Variants in AZI2 observed in about 807,000 individuals in gnomAD.
AZI2 encodes 5-azacytidine induced 2.
A neutral mutation model predicts 45.8 loss-of-function variants in AZI2; 22 were observed. That is an observed-to-expected ratio of 0.48 (90% CI 0.34 to 0.69). The LOEUF is 0.69. AZI2 is among the 30% of genes least tolerant of loss of function. The probability of loss-of-function intolerance (pLI) is 0.01; values close to 1 mark genes in which losing one functional copy is unlikely to be tolerated. For synonymous variants in AZI2, 137 were observed against 156.7 expected, an observed-to-expected ratio of 0.87 and a Z score of 0.94; for missense variants, 417 against 441.5, an observed-to-expected ratio of 0.94 and a Z score of 0.50.
chr3:28,322,743 G>A lies in AZI2; in HGVS notation c.*1299C>T, dbSNP rs1703224922. On this transcript the variant is annotated 3_prime_UTR_variant, in exon 8 of 8. Transcript: ENST00000479665. ...AATTCCATTAATCACAGACAAGCTT[G>A]AATAAGTGTAAGATAATAGAAAAAA... 6.6e-6 allele frequency: 1 copy of A among 151,538 alleles called. No individual in the cohort carries two copies. Among genetic ancestry groups the A allele is most frequent in the South Asian group, 2.1e-4 (1 of 4,826 alleles). The allele number at this position is 151,538 out of a possible 1,614,324, so 9.4% of individuals were successfully genotyped here. A position where few individuals can be genotyped will look rare whatever the true frequency, so the allele number is the denominator to read the frequency against.
At chr3:28,345,576 A>C (rs936953090) in intron 1 of AZI2, among the ~76,000 whole-genome samples, 2 of 152,166 alleles carry the variant, frequency 1.3e-5, no homozygotes, top group African/African-American at 2.4e-5. Context: ...GAGAACAATG[A>C]AATTTCCAAG....
chr3:28,337,831 ATAAGT>A (rs548954631), intron 4 of AZI2, 101 bp downstream of exon 4: 47 of 597,676 alleles, frequency 7.9e-5, no homozygotes, highest in East Asian at 2.9e-4. Context: ...AAATTAAAAA[ATAAGT>A]TAAGGTCTTA....
At chr3:28,329,895 G>A (rs79792225) in intron 6 of AZI2, among the ~76,000 whole-genome samples, 1,700 of 151,204 alleles carry the variant, frequency 0.011, 20 homozygotes, top group South Asian at 0.022. Context: ...AATGCACTCT[G>A]GTATTGGTGT....
In AZI2 at chr3:28,341,325, C is replaced by G. The variant is rs1353935811; in HGVS notation, c.-5-703G>C. 5.3e-5 allele frequency among the ~76,000 whole-genome samples: 8 copies of G among 151,998 alleles called. No homozygotes were observed. The East Asian group carries it at 1.5e-3, about 29-fold the overall frequency. On this transcript the variant is annotated intron_variant, in intron 1 of 7. Coordinates refer to ENST00000479665, the MANE Select transcript of AZI2 (RefSeq NM_022461.5). ...TAGGTCTTAGAAAGTTGAATTAGCC[C>G]TGTTAAATCTAGAAGAATGTTAAGC...
At chr3:28,330,851 A>G (rs1222190680) in intron 6 of AZI2, among the ~76,000 whole-genome samples, 2 of 151,358 alleles carry the variant, frequency 1.3e-5, no homozygotes, top group African/African-American at 2.4e-5. Flanking sequence ...TTTAACGTGA[A>G]GTAACTTTTA....
At chr3:28,333,737 A>G (rs1419004860) in intron 5 of AZI2, among the ~76,000 whole-genome samples, 1 of 151,610 alleles carries the variant, frequency 6.6e-6, no homozygotes, top group African/African-American at 2.4e-5. Context: ...CCTATGTCCT[A>G]AAGGTGGTAA....
Position 28,321,368 on chromosome 3 carries a change from T to G in AZI2, c.*2674A>C, listed in dbSNP as rs1467521054. ...TTGATTAAAATCAGAAGTAGCCCAC[T>G]TCATGTAGAAAATTCACTTATGTAC... On this transcript the variant is annotated 3_prime_UTR_variant, in exon 8 of 8. Coordinates refer to ENST00000479665, the MANE Select transcript of AZI2 (RefSeq NM_022461.5). The G allele has an allele frequency of 6.6e-6, 1 of 151,472 alleles. No homozygotes were observed. Among genetic ancestry groups the G allele is most frequent in the Non-Finnish European group, 1.5e-5 (1 of 67,578 alleles). 9.4% of individuals were successfully genotyped at this position (151,472 alleles called of 1,614,324 possible). A position where few individuals can be genotyped will look rare whatever the true frequency, so the allele number is the denominator to read the frequency against.
Position 28,336,818 on chromosome 3 carries a change from G to A in AZI2, c.507C>T (p.Ile169=). 1 of 1,613,230 alleles carries A rather than the reference G, an allele frequency of 6.2e-7. No individual in the cohort carries two copies. Residue 169 remains isoleucine (I), a synonymous_variant, in exon 5 of 8, where the codon ATC becomes ATT. Coordinates refer to ENST00000479665, the MANE Select transcript of AZI2 (RefSeq NM_022461.5). ...GTTCCAGCTCTTGTTCCAAACCATG[G>A]ATCTTCAGGTCACAGCTCAACTTTT... ...EVEKLSCDLK[I]HGLEQELELM... is the part of the protein sequence containing the mutation.
chr3:28,323,086 T>C lies in AZI2; in HGVS notation c.*956A>G. The C allele has an allele frequency of 6.6e-6, 1 of 151,036 alleles. No homozygotes were observed. Among genetic ancestry groups the C allele is most frequent in the East Asian group, 1.9e-4 (1 of 5,156 alleles). 9.4% of individuals were successfully genotyped at this position (151,036 alleles called of 1,614,324 possible). On this transcript the variant is annotated 3_prime_UTR_variant, in exon 8 of 8. Coordinates refer to ENST00000479665, the MANE Select transcript of AZI2 (RefSeq NM_022461.5). ...AAACCCTGATTTCTATGATTAAAAA[T>C]AATAATTTTAAATCACTTTCTCAAT...
intron 7 of AZI2, among the ~76,000 whole-genome samples, chr3:28,325,768 A>C (rs1374618351): frequency 2.0e-5 from 3 of 151,090 alleles, no homozygotes; most frequent in Non-Finnish European, 3.0e-5. Context: ...TTATTTGTAC[A>C]TTCAACCTTT....
intron 6 of AZI2, among the ~76,000 whole-genome samples, chr3:28,329,395 A>G (rs946952847): frequency 6.6e-6 from 1 of 151,142 alleles, no homozygotes; most frequent in African/African-American, 2.4e-5. Context: ...CCAAGCACCT[A>G]CAATATGCTG....
chr3:28,325,271 T>A (rs983967695), intron 7 of AZI2: 1 of 150,850 alleles, frequency 6.6e-6, no homozygotes, highest in Admixed American at 6.6e-5. Context: ...AGCCTACCAG[T>A]GTGGAAAGGT....
intron 5 of AZI2, among the ~76,000 whole-genome samples, chr3:28,336,523 G>A: frequency 6.6e-6 from 1 of 151,914 alleles, no homozygotes; most frequent in Non-Finnish European, 1.5e-5. Context: ...AAACAAAATT[G>A]TATAATTTTG....
At chr3:28,332,051 A>G (rs1703600130) in intron 6 of AZI2, 1 of 718,316 alleles carries the variant, frequency 1.4e-6, no homozygotes, top group East Asian at 2.7e-5. Context: ...GTTATTATAT[A>G]TAATGAATAA....
chr3:28,338,009 C>A lies in AZI2; in HGVS notation c.367G>T (p.Val123Leu). 6.3e-7 allele frequency: 1 copy of A among 1,592,638 alleles called. No individual in the cohort carries two copies. The highest frequency in any genetic ancestry group is 8.6e-7 in the Non-Finnish European group (1 of 1,168,440). Residue 123 changes from valine (V) to leucine (L), a missense_variant, in exon 4 of 8, where the codon GTA (valine) becomes TTA (leucine). Val to Leu is a conservative substitution (Grantham distance 32). Coordinates refer to ENST00000479665, the MANE Select transcript of AZI2 (RefSeq NM_022461.5). ...MNKDNSESLK[V>L]LNEQLQSKEV... ...TTAGATTGTAGCTGCTCATTCAATACTTTCAAAGATTCAGAGTTGTCTTTA... is the reference window on the plus strand; with the variant it reads ...TTAGATTGTAGCTGCTCATTCAATAATTTCAAAGATTCAGAGTTGTCTTTA...
intron 7 of AZI2, chr3:28,326,489 CTT>C (rs5847511): frequency 3.7e-3 from 523 of 142,076 alleles, no homozygotes; most frequent in South Asian, 0.011. Context: ...CTTTTGGTGT[CTT>C]TTTTTTTTTT....
intron 2 of AZI2, among the ~76,000 whole-genome samples, chr3:28,339,609 A>G (rs936046777): frequency 6.6e-6 from 1 of 152,110 alleles, no homozygotes; most frequent in Non-Finnish European, 1.5e-5. Flanking sequence ...AACTCTACCA[A>G]GCCCCATCTT....
rs1188338358 is a variant in AZI2 at position 28,322,289 on chromosome 3, A to G, written c.*1753T>C. On this transcript the variant is annotated 3_prime_UTR_variant, in exon 8 of 8. Transcript: ENST00000479665. ...AACAAATGTCTATTGTATGAATCATATTAACAACCAACAATTAGTACTAGA... is the reference window on the plus strand; with the variant it reads ...AACAAATGTCTATTGTATGAATCATGTTAACAACCAACAATTAGTACTAGA... The G allele has an allele frequency of 6.6e-6, 1 of 151,316 alleles. No individual in the cohort carries two copies. The highest frequency in any genetic ancestry group is 1.5e-5 in the Non-Finnish European group (1 of 67,450). The allele number at this position is 151,316 out of a possible 1,614,324, so 9.4% of individuals were successfully genotyped here.
chr3:28,328,280 A>T (rs1462447627), intron 6 of AZI2, among the ~76,000 whole-genome samples: 1 of 151,098 alleles, frequency 6.6e-6, no homozygotes, highest in African/African-American at 2.4e-5. Flanking sequence ...TCACATAGGA[A>T]CCTGTCTTAA....
Sources: allele counts gnomAD v4.1 joint callset (sites outside exome capture counted in the v4.1 genomes callset), GRCh38; gene constraint gnomAD v4.1.1; transcripts MANE v1.5; gene names NCBI Gene and HGNC (gene_info 2026-07-23, HGNC 2026-07-21).